The following CBL variants were observed in gnomAD, a reference collection of about 807,000 sequenced individuals.
CBL encodes the protein E3 ubiquitin-protein ligase CBL.
In CBL, 45 loss-of-function variants were observed where a neutral mutation model predicts 96.9. That is an observed-to-expected ratio of 0.46 (90% confidence interval 0.37 to 0.60). The LOEUF (loss-of-function observed/expected upper bound fraction) is 0.60. CBL is among the 20% of genes least tolerant of loss of function. The pLI, the probability that CBL is intolerant of heterozygous loss-of-function variation, is 0.00. For synonymous variants in CBL, 420 were observed against 426.8 expected, an observed-to-expected ratio of 0.98 and a Z score of 0.20; for missense variants, 1,024 against 1,143.5, an observed-to-expected ratio of 0.90 and a Z score of 1.51.
intron 1 of CBL, among the ~76,000 whole-genome samples, chr11:119,207,544 C>G (rs1490297824): frequency 6.6e-6 from 1 of 152,188 alleles, no homozygotes; most frequent in East Asian, 1.9e-4. Context: ...ACAAAAATAA[C>G]TCCTTTATAT....
intron 12 of CBL, among the ~76,000 whole-genome samples, chr11:119,290,736 C>T (rs1290750556): frequency 1.3e-5 from 2 of 151,298 alleles, no homozygotes; most frequent in Non-Finnish European, 2.9e-5. Context: ...AGTCCAGTGG[C>T]ACGATCTTGG....
intron 2 of CBL, among the ~76,000 whole-genome samples, chr11:119,259,389 TTA>T (rs1311554251): frequency 6.6e-6 from 1 of 152,178 alleles, no homozygotes; most frequent in African/African-American, 2.4e-5. Context: ...TTGTTTATTC[TTA>T]TGTTTTTCCC....
chr11:119,302,525 G>T lies in CBL; in HGVS notation c.*2744G>T, dbSNP rs1300148970. ...GCCCTTCCGCTTGTCCCTTCCTAGT[G>T]GCTAATAAAGTAAAAAAACCCACAC... On this transcript the variant is annotated 3_prime_UTR_variant, in exon 16 of 16. Coordinates refer to ENST00000264033, the MANE Select transcript of CBL (RefSeq NM_005188.4). 1.3e-5 allele frequency: 3 copies of T among 232,400 alleles called. No homozygotes were observed. Among genetic ancestry groups the T allele is most frequent in the African/African-American group, 6.6e-5 (3 of 45,256 alleles). The allele number at this position is 232,400 out of a possible 1,614,324, so 14.4% of individuals were successfully genotyped here. A position where few individuals can be genotyped will look rare whatever the true frequency, so the allele number is the denominator to read the frequency against.
At chr11:119,292,421 T>TTTTTC (rs1950033974) in intron 12 of CBL, among the ~76,000 whole-genome samples, 4 of 151,966 alleles carry the variant, frequency 2.6e-5, no homozygotes, top group Admixed American at 6.6e-5. Flanking sequence ...TTATTTTCTT[T>TTTTTC]TTTTCTTTTC....
Position 119,278,217 on chromosome 11 carries a change from A to C in CBL, c.1147A>C (p.Ile383Leu), listed in dbSNP as rs1265704711. The change falls in exon 8 of 16, where the codon ATA becomes CTA. Residue 383 changes from isoleucine (I) to leucine (L), a missense_variant. Around this residue, in one of 4 missense-constraint regions of CBL, gnomAD observed 695 missense variants for 661.6 expected, o/e 1.05. Transcript: ENST00000264033. ...GGGCTCCACATTCCAACTATGTAAA[A>C]TATGTGCTGAAAATGATAAGGATGT... ...EMGSTFQLCK[I>L]CAENDKDVKI... 6.2e-7 allele frequency: 1 copy of C among 1,612,068 alleles called. No homozygotes were observed. The highest frequency in any genetic ancestry group is 1.7e-5 in the Admixed American group (1 of 60,008).
chr11:119,244,717 A>C (rs1021129066), intron 2 of CBL, among the ~76,000 whole-genome samples: 6 of 151,524 alleles, frequency 4.0e-5, no homozygotes, highest in African/African-American at 1.5e-4. Context: ...GAGTAGCTGA[A>C]TTTTTGTATT....
chr11:119,270,437 T>TATATATATATATATATA (rs1491342887), intron 2 of CBL, among the ~76,000 whole-genome samples: 1 of 18,420 alleles, frequency 5.4e-5, no homozygotes, highest in African/African-American at 3.4e-4. Context: ...TATATATATA[T>TATATATATATATATATA]TTTTTTTTTT....
At chr11:119,259,806 G>A (rs1031577713) in intron 2 of CBL, among the ~76,000 whole-genome samples, 3 of 152,142 alleles carry the variant, frequency 2.0e-5, no homozygotes, top group African/African-American at 7.2e-5. Flanking sequence ...TAGCTCATTT[G>A]GGACATGGAT....
intron 12 of CBL, among the ~76,000 whole-genome samples, chr11:119,294,235 C>T (rs1340018678): frequency 6.7e-6 from 1 of 150,106 alleles, no homozygotes; most frequent in Non-Finnish European, 1.5e-5. Flanking sequence ...TCGAGACCAG[C>T]CTGGGCAACA....
At position 119,300,198 on chromosome 11, in the gene CBL, C is replaced by A; in HGVS notation, c.*417C>A. On this transcript the variant is annotated 3_prime_UTR_variant, in exon 16 of 16. Coordinates refer to ENST00000264033, the MANE Select transcript of CBL (RefSeq NM_005188.4). ...TGTGTCCTTGTGATTATAAGATTAACCTGCTGTGTGTGTTAATTCCAGGCA... is the reference window on the plus strand; with the variant it reads ...TGTGTCCTTGTGATTATAAGATTAAACTGCTGTGTGTGTTAATTCCAGGCA... 2 of 479,752 alleles carry A rather than the reference C, an allele frequency of 4.2e-6. No homozygotes were observed. The highest frequency in any genetic ancestry group is 7.3e-6 in the Non-Finnish European group (2 of 274,274). 29.7% of individuals were successfully genotyped at this position (479,752 alleles called of 1,614,324 possible).
intron 2 of CBL, among the ~76,000 whole-genome samples, chr11:119,249,803 A>G (rs759094743): frequency 2.0e-5 from 3 of 151,774 alleles, no homozygotes; most frequent in Non-Finnish European, 4.4e-5. Flanking sequence ...GAATACAGGC[A>G]CACACTACCA....
At chr11:119,281,036 C>T (rs1230587412) in intron 9 of CBL, among the ~76,000 whole-genome samples, 2 of 152,166 alleles carry the variant, frequency 1.3e-5, no homozygotes, top group Non-Finnish European at 1.5e-5. Context: ...TACTCTCAAA[C>T]ATCCTCTCAA....
chr11:119,263,641 G>T (rs1266023224), intron 2 of CBL, among the ~76,000 whole-genome samples: 1 of 152,128 alleles, frequency 6.6e-6, no homozygotes, highest in Non-Finnish European at 1.5e-5. Flanking sequence ...GTAGGTGATG[G>T]TTTTCGTTTT....
In CBL at chr11:119,285,369, C is replaced by G; in HGVS notation, c.1744C>G (p.Pro582Ala). The G allele has an allele frequency of 1.2e-6, 2 of 1,614,166 alleles. No homozygotes were observed. The highest frequency in any genetic ancestry group is 1.7e-6 in the Non-Finnish European group (2 of 1,180,018). The stretch of plus-strand genomic sequence containing the variant: ...CTCCAGAGACAAACTGCCCCCTGTC[C>G]CCTCTAGCCGCCTTGGAGACTCATG... Reference protein sequence around the residue: ...CPSRDKLPPVPSSRLGDSWLP... With the variant: ...CPSRDKLPPVASSRLGDSWLP... Residue 582 changes from proline to alanine, a missense_variant, in exon 11 of 16, where the codon CCC (proline) becomes GCC (alanine). Physicochemically the swap from Pro to Ala is conservative, Grantham distance 27. Coordinates refer to ENST00000264033, the MANE Select transcript of CBL (RefSeq NM_005188.4).
At chr11:119,291,403 AATAAATAGGCCAG>A (rs1950026175) in intron 12 of CBL, among the ~76,000 whole-genome samples, 1 of 152,208 alleles carries the variant, frequency 6.6e-6, no homozygotes, top group East Asian at 1.9e-4. Context: ...AAAATTGAAA[AATAAATAGGCCAG>A]ATAAATAGGC....
At chr11:119,291,432 G>A (rs919553257) in intron 12 of CBL, among the ~76,000 whole-genome samples, 2 of 152,222 alleles carry the variant, frequency 1.3e-5, no homozygotes, top group African/African-American at 4.8e-5. Flanking sequence ...TAGGCCAGGT[G>A]TAGTGCCTCA....
rs1950120555 is a variant in CBL, at chr11:119,304,304, G to A, written c.*4523G>A. 1 of 233,186 alleles carries A rather than the reference G, an allele frequency of 4.3e-6. No homozygotes were observed. The highest frequency in any genetic ancestry group is 1.8e-4 in the South Asian group (1 of 5,530). 14.4% of individuals were successfully genotyped at this position (233,186 alleles called of 1,614,324 possible). ...ACATAGAACGGCTTAATGCCTAGAG[G>A]GTGGTGGATAGTGAAGGACGGTCAA... On this transcript the variant is annotated 3_prime_UTR_variant, in exon 16 of 16. Coordinates refer to ENST00000264033, the MANE Select transcript of CBL (RefSeq NM_005188.4).
intron 2 of CBL, among the ~76,000 whole-genome samples, chr11:119,245,279 T>C (rs1949618071): frequency 6.6e-6 from 1 of 152,008 alleles, no homozygotes; most frequent in African/African-American, 2.4e-5. Context: ...CTTTACATTC[T>C]AAAAATTTTT....
In CBL at chr11:119,301,886, T is replaced by C. The variant is rs1051083897; in HGVS notation, c.*2105T>C. The C allele has an allele frequency of 1.0e-4, 24 of 232,964 alleles. No individual in the cohort carries two copies. Among genetic ancestry groups the C allele is most frequent in the Admixed American group, 5.6e-5 (1 of 17,772 alleles). 14.4% of individuals were successfully genotyped at this position (232,964 alleles called of 1,614,324 possible). A position where few individuals can be genotyped will look rare whatever the true frequency, so the allele number is the denominator to read the frequency against. The stretch of plus-strand genomic sequence containing the variant: ...GCATTTTGTTTAAATATTGAAGGCC[T>C]AGACAAAGAACTAGAAAAAAAAAAG... On this transcript the variant is annotated 3_prime_UTR_variant, in exon 16 of 16. Transcript: ENST00000264033.
Sources: gnomAD v4.1 joint callset for allele counts (sites outside exome capture counted in the v4.1 genomes callset) on GRCh38, gnomAD v4.1.1 for gene constraint, gnomAD v4.1.1 regional missense constraint, MANE v1.5 for transcripts, NCBI Gene and HGNC (gene_info 2026-07-23, HGNC 2026-07-21) for gene names.